CHKA: variants seen among roughly 807,000 people sequenced by gnomAD.
CHKA encodes choline kinase alpha, also known as CHETK-alpha.
CHKA carries 34 observed loss-of-function variants against 60.1 expected under a neutral mutation model. The ratio of observed to expected loss-of-function variants is 0.57; its 90% confidence interval spans 0.43 to 0.75. The LOEUF (loss-of-function observed/expected upper bound fraction) is 0.75, where lower values mean the gene tolerates loss of function less well. CHKA is among the 30% of genes least tolerant of loss of function. The pLI is 0.00. For synonymous variants in CHKA, 217 were observed against 223.1 expected (o/e 0.97, Z 0.24); for missense variants, 563 against 561.3 (o/e 1.00, Z -0.03).
intron 11 of CHKA, among the ~76,000 whole-genome samples, chr11:68,060,968 C>A (rs1249840285): frequency 6.6e-6 from 1 of 152,144 alleles, no homozygotes; most frequent in East Asian, 1.9e-4. Flanking sequence ...AGGAAGGCAG[C>A]TCACCAGACT....
rs1855893005 is a variant in CHKA at position 68,053,860 on chromosome 11, A to C, written c.*128T>G. The C allele has an allele frequency of 1.5e-6, 1 of 652,820 alleles. No homozygotes were observed. Among genetic ancestry groups the C allele is most frequent in the Non-Finnish European group, 2.8e-6 (1 of 361,828 alleles). The allele number at this position is 652,820 out of a possible 1,614,324, so 40.4% of individuals were successfully genotyped here. ...TTTAATACCGTCTTTAGTATCATACACATGTGTTCAGTAGTGAGCCACCCA... is the reference window on the plus strand; with the variant it reads ...TTTAATACCGTCTTTAGTATCATACCCATGTGTTCAGTAGTGAGCCACCCA... On this transcript the variant is annotated 3_prime_UTR_variant, in exon 12 of 12. Transcript: ENST00000265689.
chr11:68,068,491 T>C (rs1856513703), intron 7 of CHKA, among the ~76,000 whole-genome samples: 1 of 151,892 alleles, frequency 6.6e-6, no homozygotes, highest in Admixed American at 6.6e-5. Context: ...GATCACAGCA[T>C]ACTATAGCCT....
chr11:68,084,395 C>CATAT (rs1195770929), intron 2 of CHKA, among the ~76,000 whole-genome samples: 13 of 106,292 alleles, frequency 1.2e-4, no homozygotes, highest in South Asian at 9.8e-4. Flanking sequence ...TATATACACA[C>CATAT]ATATACGTAT....
chr11:68,066,229 G>T (rs573931818), intron 8 of CHKA, among the ~76,000 whole-genome samples, 200 bp downstream of exon 8: 1 of 152,330 alleles, frequency 6.6e-6, no homozygotes, highest in East Asian at 1.9e-4. Context: ...CCCAACTAGC[G>T]CTGTCTGCTA....
At chr11:68,084,833 G>A (rs1464944053) in intron 2 of CHKA, among the ~76,000 whole-genome samples, 2 of 152,080 alleles carry the variant, frequency 1.3e-5, no homozygotes, top group African/African-American at 4.8e-5. Context: ...AGGGGAAGAT[G>A]AGGAATGGAC....
intron 11 of CHKA, among the ~76,000 whole-genome samples, chr11:68,055,097 T>TAG (rs1265044650): frequency 1.3e-5 from 2 of 152,184 alleles, no homozygotes; most frequent in African/African-American, 4.8e-5. Flanking sequence ...GGGACGATTA[T>TAG]AAATGAAGGT....
At chr11:68,065,732 G>T (rs1856419926) in intron 9 of CHKA, 54 bp downstream of exon 9, 1 of 1,180,866 alleles carries the variant, frequency 8.5e-7, no homozygotes, top group Non-Finnish European at 1.3e-6. Flanking sequence ...AATTCTAACT[G>T]CATGAAATTG....
rs527271212 is a variant in CHKA, at chr11:68,081,433, C to T, written c.487G>A (p.Glu163Lys). ...QMRSCNKEGSEQAQKENEFQG... is the reference protein window; with the variant it reads ...QMRSCNKEGSKQAQKENEFQG... ...AATTCATTTTCTTTCTGAGCTTGTT[C>T]GGATCCCTCTTTATTACAGGACCTC... Residue 163 changes from glutamate to lysine, a missense_variant, in exon 3 of 12, where the codon GAA (glutamate) becomes AAA (lysine). By Grantham distance (56) the Glu-to-Lys change is moderately conservative (BLOSUM62 1). Transcript: ENST00000265689. The T allele has an allele frequency of 3.5e-5, 57 of 1,613,500 alleles. No individual in the cohort carries two copies. Among genetic ancestry groups the T allele is most frequent in the Admixed American group, 1.2e-4 (7 of 60,010 alleles).
At chr11:68,058,341 A>G (rs910534509) in intron 11 of CHKA, among the ~76,000 whole-genome samples, 5 of 152,226 alleles carry the variant, frequency 3.3e-5, no homozygotes, top group Admixed American at 1.3e-4. Flanking sequence ...TTTCAGGATC[A>G]GCATGTCAAT....
chr11:68,109,555 A>G (rs975114734), intron 1 of CHKA, among the ~76,000 whole-genome samples: 1 of 152,176 alleles, frequency 6.6e-6, no homozygotes, highest in Non-Finnish European at 1.5e-5. Context: ...GTCCCACCTA[A>G]GCGGGGAGGA....
chr11:68,074,630 G>T, intron 4 of CHKA, 87 bp downstream of exon 4: 1 of 1,105,586 alleles, frequency 9.0e-7, no homozygotes. Flanking sequence ...TGAAAACACA[G>T]CATTGCAGGT....
chr11:68,072,838 A>T (rs541297067), intron 4 of CHKA, among the ~76,000 whole-genome samples: 4 of 152,102 alleles, frequency 2.6e-5, no homozygotes, highest in Non-Finnish European at 4.4e-5. Context: ...ACAAAAAAAA[A>T]TTTTTAATAA....
At chr11:68,114,699 G>GAA (rs544983763) in intron 1 of CHKA, among the ~76,000 whole-genome samples, 16 of 131,132 alleles carry the variant, frequency 1.2e-4, no homozygotes, top group Admixed American at 2.4e-4. Context: ...TCTGTCTCGG[G>GAA]AAAAAAAAAA....
chr11:68,062,649 TA>T (rs1293950205), intron 10 of CHKA, among the ~76,000 whole-genome samples: 2 of 152,174 alleles, frequency 1.3e-5, no homozygotes, highest in African/African-American at 4.8e-5. Flanking sequence ...CACATGAAGA[TA>T]AAGCTCAAAT....
intron 2 of CHKA, among the ~76,000 whole-genome samples, chr11:68,091,938 AG>A (rs1383190686): frequency 2.0e-5 from 3 of 152,246 alleles, no homozygotes; most frequent in Non-Finnish European, 4.4e-5. Flanking sequence ...CATATAATTA[AG>A]GAAAAATGCA....
chr11:68,105,291 T>C (rs994287238), intron 1 of CHKA, among the ~76,000 whole-genome samples: 2 of 149,928 alleles, frequency 1.3e-5, no homozygotes, highest in Non-Finnish European at 3.0e-5. Flanking sequence ...CTGAGGCGGG[T>C]GGATCATGAG....
intron 2 of CHKA, among the ~76,000 whole-genome samples, chr11:68,093,743 T>A (rs1038434090): frequency 5.9e-5 from 9 of 152,240 alleles, no homozygotes; most frequent in African/African-American, 2.2e-4. Flanking sequence ...TAGGCTATGC[T>A]GCAGCTGGCT....
intron 2 of CHKA, among the ~76,000 whole-genome samples, chr11:68,085,854 C>T (rs970095260): frequency 5.3e-5 from 8 of 152,198 alleles, no homozygotes; most frequent in African/African-American, 1.9e-4. Context: ...ACCTCCACCT[C>T]CTGGGTTCAA....
chr11:68,113,434 C>T (rs1317446086), intron 1 of CHKA, among the ~76,000 whole-genome samples: 2 of 152,000 alleles, frequency 1.3e-5, no homozygotes, highest in Non-Finnish European at 2.9e-5. Flanking sequence ...CGGTGGTTCA[C>T]GCCTGTAATC....
Sources: gnomAD v4.1 joint callset for allele counts (sites outside exome capture counted in the v4.1 genomes callset) on GRCh38, gnomAD v4.1.1 for gene constraint, MANE v1.5 for transcripts, NCBI Gene and HGNC (gene_info 2026-07-23, HGNC 2026-07-21) for gene names.